LARP1: variants seen among roughly 807,000 people sequenced by gnomAD.
LARP1 encodes la-related protein 1.
Under a neutral mutation model 122.7 loss-of-function variants are expected in LARP1, and 36 were observed. That is an observed-to-expected ratio of 0.29 (90% CI 0.22 to 0.39). LARP1 has a LOEUF of 0.39. Ranked by LOEUF, LARP1 falls within the 10% of genes least tolerant of loss-of-function variation. LARP1 has a pLI of 1.00. For missense variants in LARP1, 1,040 were observed against 1,403.6 expected (o/e 0.74, Z 4.14); for synonymous variants, 539 against 528.7 (o/e 1.02, Z -0.27).
chr5:154,800,183 G>T, intron 10 of LARP1, 141 bp downstream of exon 10: 2 of 741,040 alleles, frequency 2.7e-6, no homozygotes, highest in Non-Finnish European at 4.2e-6. Context: ...GTGAGTTGAA[G>T]TTACCAGTAG....
intron 2 of LARP1, 86 bp from the exon 3 acceptor site, chr5:154,790,559 C>CT: frequency 6.7e-7 from 1 of 1,483,224 alleles, no homozygotes. Flanking sequence ...GATTTGGCCT[C>CT]TGATCTCTTG....
At position 154,722,804 on chromosome 5, in the gene LARP1, C is replaced by T. The variant is rs149185379; in HGVS notation, c.205+9674C>T. Among the ~76,000 whole-genome samples, 746 of 151,762 alleles carry T rather than the reference C, an allele frequency of 4.9e-3. 6 individuals are homozygous for T. Among genetic ancestry groups the T allele is most frequent in the African/African-American group, 0.017 (712 of 41,336 alleles). On this transcript the variant is annotated intron_variant, in intron 1 of 18. Coordinates refer to the LARP1 transcript ENST00000336314. ...CAAGCGATTCTCCTGCCTCAGTCTC[C>T]TGAGTAGCTGGAACTACAGGTGCGT...
At chr5:154,691,281 A>T (rs1185637179) in intron 1 of LARP1, among the ~76,000 whole-genome samples, 1 of 140,700 alleles carries the variant, frequency 7.1e-6, no homozygotes, top group East Asian at 2.0e-4. Flanking sequence ...AAAAAGAAAG[A>T]AAGTATCAGA....
chr5:154,737,436 C>CTTTTT (rs10526758), intron 1 of LARP1, among the ~76,000 whole-genome samples: 1,498 of 95,272 alleles, frequency 0.016, 72 homozygotes, highest in African/African-American at 0.037. Flanking sequence ...GAATTTTTCT[C>CTTTTT]TTTTTTTTTT....
intron 8 of LARP1, among the ~76,000 whole-genome samples, chr5:154,795,920 ATT>A (rs1561615130): frequency 1.9e-5 from 2 of 104,670 alleles, no homozygotes; most frequent in African/African-American, 3.6e-5. Context: ...TTTATTATAT[ATT>A]TATATTTATA....
At chr5:154,769,081 C>T (rs1327549308) in intron 1 of LARP1, among the ~76,000 whole-genome samples, 3 of 152,190 alleles carry the variant, frequency 2.0e-5, no homozygotes, top group Admixed American at 6.6e-5. Context: ...TCAGGTGATT[C>T]GCCCACCTCG....
intron 16 of LARP1, among the ~76,000 whole-genome samples, chr5:154,811,037 CA>C (rs1759228154): frequency 6.6e-6 from 1 of 152,284 alleles, no homozygotes; most frequent in East Asian, 1.9e-4. Context: ...ATGTCTGTGG[CA>C]GGGGGACAGA....
chr5:154,732,203 AAAG>A lies in LARP1; in HGVS notation c.205+19076_205+19078del, dbSNP rs1332625202. Among the ~76,000 whole-genome samples, 142 of 109,090 alleles carry A rather than the reference AAAG, an allele frequency of 1.3e-3. No individual in the cohort carries two copies. The East Asian group carries it at 0.035, about 27-fold the overall frequency. 71.6% of individuals were successfully genotyped at this position (109,090 alleles called of 152,430 possible). On this transcript the variant is annotated intron_variant, in intron 1 of 18. Coordinates refer to the LARP1 transcript ENST00000336314. ...ACAAAACAAAACAAAAAAAAAAAAA[AAAG>A]AAAGGTGAATCTGGTGCAAACCATA...
chr5:154,733,764 C>T (rs1756720387), intron 1 of LARP1, among the ~76,000 whole-genome samples: 1 of 151,940 alleles, frequency 6.6e-6, no homozygotes, highest in Admixed American at 6.6e-5. Flanking sequence ...GATTTTGCCA[C>T]GTTGGCCAGG....
At chr5:154,736,165 C>G (rs571025763) in intron 1 of LARP1, among the ~76,000 whole-genome samples, 1 of 150,336 alleles carries the variant, frequency 6.7e-6, no homozygotes, top group Non-Finnish European at 1.5e-5. Flanking sequence ...GGCGTGATCT[C>G]GGCTCACTGT....
intron 1 of LARP1, among the ~76,000 whole-genome samples, chr5:154,778,727 C>T (rs1756135642): frequency 6.6e-6 from 1 of 152,202 alleles, no homozygotes; most frequent in Non-Finnish European, 1.5e-5. Flanking sequence ...GTGTCTGCGC[C>T]AGGACTGTCA....
At chr5:154,718,850 T>A (rs563796062) in intron 1 of LARP1, among the ~76,000 whole-genome samples, 1 of 152,340 alleles carries the variant, frequency 6.6e-6, no homozygotes, top group East Asian at 1.9e-4. Context: ...CAAGGGGGAA[T>A]GGCAGTATCT....
chr5:154,742,392 T>C (rs1159082886), intron 1 of LARP1, among the ~76,000 whole-genome samples: 1 of 152,090 alleles, frequency 6.6e-6, no homozygotes, highest in Non-Finnish European at 1.5e-5. Context: ...CGAAACCCCA[T>C]CTCTATTAAA....
intron 1 of LARP1, chr5:154,729,475 C>T: frequency 7.8e-6 from 3 of 384,016 alleles, no homozygotes; most frequent in Non-Finnish European, 1.0e-5. Context: ...AGATTCTTGC[C>T]AAGAGAATTA....
At chr5:154,809,130 G>T (rs1192376630) in intron 16 of LARP1, among the ~76,000 whole-genome samples, 3 of 151,816 alleles carry the variant, frequency 2.0e-5, no homozygotes, top group Non-Finnish European at 4.4e-5. Context: ...CCTATTAGTG[G>T]ATACTTAGGT....
chr5:154,809,211 T>C (rs1466105914), intron 16 of LARP1, among the ~76,000 whole-genome samples: 1 of 151,542 alleles, frequency 6.6e-6, no homozygotes, highest in Admixed American at 6.6e-5. Context: ...ACGCCTATAA[T>C]CCCAGCGCTT....
chr5:154,796,802 C>G (rs915955042), intron 8 of LARP1, among the ~76,000 whole-genome samples: 1 of 152,144 alleles, frequency 6.6e-6, no homozygotes, highest in Non-Finnish European at 1.5e-5. Context: ...ATAGTTTGTT[C>G]AGGAAGGGCA....
chr5:154,685,822 T>A (rs761793925), intron 1 of LARP1: 5 of 472,334 alleles, frequency 1.1e-5, no homozygotes, highest in Admixed American at 2.2e-5. Flanking sequence ...TTTTTTTTTT[T>A]AAATTTTAGA....
chr5:154,707,829 A>G (rs1755024685), intron 1 of LARP1, among the ~76,000 whole-genome samples: 1 of 152,208 alleles, frequency 6.6e-6, no homozygotes, highest in Non-Finnish European at 1.5e-5. Context: ...GGTTGCTGAC[A>G]CTGCAGAAAA....
Sources: gnomAD v4.1 joint callset for allele counts (sites outside exome capture counted in the v4.1 genomes callset) on GRCh38, gnomAD v4.1.1 for gene constraint, MANE v1.5 for transcripts, NCBI Gene and HGNC (gene_info 2026-07-23, HGNC 2026-07-21) for gene names.